The following PCDH15 variants were observed in gnomAD, a reference collection of about 807,000 sequenced individuals.
PCDH15 encodes protocadherin related 15.
A neutral mutation model predicts 178.5 loss-of-function variants in PCDH15; 129 were observed. The ratio of observed to expected loss-of-function variants is 0.72; its 90% CI spans 0.63 to 0.84. The LOEUF is 0.84. PCDH15 is among the 40% of genes least tolerant of loss of function. The pLI, the probability that PCDH15 is intolerant of heterozygous loss-of-function variation, is 0.00. For missense variants in PCDH15, 2,230 were observed against 2,099.9 expected, an observed-to-expected ratio of 1.06 and a Z score of -1.21; for synonymous variants, 800 against 732.0, an observed-to-expected ratio of 1.09 and a Z score of -1.50.
chr10:55,124,070 T>G (rs1332501130), intron 2 of PCDH15, among the ~76,000 whole-genome samples: 1 of 152,174 alleles, frequency 6.6e-6, no homozygotes, highest in Non-Finnish European at 1.5e-5. Context: ...CTTTAACCCC[T>G]GAAGACACTA....
At chr10:55,179,269 T>C (rs1410417003) in intron 1 of PCDH15, among the ~76,000 whole-genome samples, 2 of 151,986 alleles carry the variant, frequency 1.3e-5, no homozygotes, top group Admixed American at 1.3e-4. Flanking sequence ...GTCCCTATCC[T>C]AATGGAAGTT....
intron 2 of PCDH15, among the ~76,000 whole-genome samples, chr10:55,106,362 T>A (rs935089375): frequency 1.3e-5 from 2 of 152,214 alleles, no homozygotes; most frequent in Non-Finnish European, 2.9e-5. Flanking sequence ...ACATAAACTA[T>A]AGAATAAGAA....
chr10:54,539,058 G>T (rs1461049585), intron 2 of PCDH15, among the ~76,000 whole-genome samples: 1 of 152,170 alleles, frequency 6.6e-6, no homozygotes, highest in Non-Finnish European at 1.5e-5. Context: ...CAATGAGTAT[G>T]AAATGCTTTT....
intron 3 of PCDH15, among the ~76,000 whole-genome samples, chr10:54,454,739 T>C (rs2076710363): frequency 6.6e-6 from 1 of 152,212 alleles, no homozygotes; most frequent in Non-Finnish European, 1.5e-5. Flanking sequence ...CAGCAAATAC[T>C]GATACATTCA....
intron 8 of PCDH15, among the ~76,000 whole-genome samples, chr10:54,247,881 A>AT (rs1554857290): frequency 5.9e-4 from 87 of 148,544 alleles, no homozygotes; most frequent in African/African-American, 1.9e-3. Context: ...AAAAAAAAGA[A>AT]ATATGTATAT....
At chr10:54,544,306 C>A (rs10825350) in intron 2 of PCDH15, among the ~76,000 whole-genome samples, 44,352 of 152,040 alleles carry the variant, frequency 0.29, 6,685 homozygotes, top group East Asian at 0.36. Flanking sequence ...TGATTAACTG[C>A]ATTTTTTGGA....
intron 2 of PCDH15, among the ~76,000 whole-genome samples, chr10:55,384,001 T>C (rs1176953982): frequency 6.6e-6 from 1 of 152,182 alleles, no homozygotes; most frequent in Non-Finnish European, 1.5e-5. Flanking sequence ...GTTAAAAGCA[T>C]TGAATTTTTC....
At chr10:54,441,089 G>A (rs1023017034) in intron 3 of PCDH15, among the ~76,000 whole-genome samples, 14 of 151,744 alleles carry the variant, frequency 9.2e-5, no homozygotes, top group Non-Finnish European at 1.3e-4. Context: ...ATACACAATC[G>A]CCTGATCATT....
chr10:55,215,632 A>G (rs984829817), intron 1 of PCDH15, among the ~76,000 whole-genome samples: 2 of 152,060 alleles, frequency 1.3e-5, no homozygotes, highest in African/African-American at 4.8e-5. Flanking sequence ...ATGTAAATTG[A>G]TAAGTGTTGT....
chr10:54,223,323 A>G (rs113637841), intron 9 of PCDH15, among the ~76,000 whole-genome samples: 1,896 of 123,754 alleles, frequency 0.015, 65 homozygotes, highest in African/African-American at 0.04. Flanking sequence ...AAAAAAAAAA[A>G]AGAGAAATTG....
intron 1 of PCDH15, among the ~76,000 whole-genome samples, chr10:54,682,187 ATTTTTT>A: frequency 6.6e-6 from 1 of 152,094 alleles, no homozygotes; most frequent in South Asian, 2.1e-4. Context: ...TACTATTTTT[ATTTTTT>A]TTATGTTTAG....
At chr10:55,214,326 GACTA>G (rs72251368) in intron 1 of PCDH15, among the ~76,000 whole-genome samples, 53,060 of 151,248 alleles carry the variant, frequency 0.35, 9,913 homozygotes, top group African/African-American at 0.46. Flanking sequence ...TATTTTCATA[GACTA>G]ACTACTGAGA....
At chr10:54,133,886 C>CAT (rs2133074006) in intron 14 of PCDH15, among the ~76,000 whole-genome samples, 1 of 142,892 alleles carries the variant, frequency 7.0e-6, no homozygotes, top group African/African-American at 2.5e-5. Context: ...CATATATACA[C>CAT]ATATATACAC....
intron 2 of PCDH15, among the ~76,000 whole-genome samples, chr10:55,072,745 T>A (rs1841784253): frequency 1.3e-5 from 2 of 152,008 alleles, no homozygotes; most frequent in Non-Finnish European, 2.9e-5. Context: ...CTAACTCATT[T>A]TATGAGGCCA....
chr10:54,396,298 A>G (rs1589202635), intron 3 of PCDH15, among the ~76,000 whole-genome samples: 1 of 152,224 alleles, frequency 6.6e-6, no homozygotes, highest in African/African-American at 2.4e-5. Context: ...CTAAAACTTT[A>G]CTGTTCTTTG....
chr10:54,823,206 A>AACAC (rs4007188), intron 3 of PCDH15, among the ~76,000 whole-genome samples: 8,297 of 148,968 alleles, frequency 0.056, 296 homozygotes, highest in Middle Eastern at 0.1. Flanking sequence ...CACCAGCATA[A>AACAC]ACACACACAC....
At chr10:54,300,022 G>T (rs1201511352) in intron 8 of PCDH15, among the ~76,000 whole-genome samples, 1 of 152,190 alleles carries the variant, frequency 6.6e-6, no homozygotes, top group Non-Finnish European at 1.5e-5. Flanking sequence ...CAGACAGTTT[G>T]CAAGAAATAA....
At chr10:55,439,027 T>C (rs921843937) in intron 2 of PCDH15, among the ~76,000 whole-genome samples, 5 of 151,858 alleles carry the variant, frequency 3.3e-5, no homozygotes, top group African/African-American at 1.2e-4. Context: ...GCCTCCCGAG[T>C]AACTAGGACT....
intron 2 of PCDH15, among the ~76,000 whole-genome samples, chr10:55,449,879 G>A (rs772938125): frequency 8.6e-5 from 13 of 150,796 alleles, no homozygotes; most frequent in East Asian, 3.9e-4. Context: ...TACAGTGTTC[G>A]TTTTCACTTC....
Sources: allele counts gnomAD v4.1 joint callset (sites outside exome capture counted in the v4.1 genomes callset), GRCh38; gene constraint gnomAD v4.1.1; transcripts MANE v1.5; gene names NCBI Gene and HGNC (gene_info 2026-07-23, HGNC 2026-07-21).